LGALS9: variants seen among roughly 807,000 people sequenced by gnomAD.
The protein encoded by LGALS9 is galectin 9.
LGALS9 carries 26 observed loss-of-function variants against 35.9 expected under a neutral mutation model. That is an observed-to-expected ratio of 0.72 (90% CI 0.53 to 1.01). LGALS9 has a LOEUF of 1.01. LGALS9 is among the 50% of genes least tolerant of loss of function. The pLI is 0.00. For missense variants in LGALS9, 347 were observed against 445.8 expected (o/e 0.78, Z 1.99); for synonymous variants, 149 against 172.2 (o/e 0.87, Z 1.06).
chr17:27,645,689 C>G, intron 6 of LGALS9, 172 bp from the exon 7 acceptor site: 2 of 620,536 alleles, frequency 3.2e-6, no homozygotes, highest in Non-Finnish European at 5.6e-6. Flanking sequence ...AACCTTTGCC[C>G]CTCGCTCATC....
At chr17:27,644,987 A>G in intron 5 of LGALS9, 1 of 368,874 alleles carries the variant, frequency 2.7e-6, no homozygotes, top group Admixed American at 4.4e-5. Flanking sequence ...ACCACTTCTC[A>G]CCTTATGGGT....
Position 27,648,873 on chromosome 17 carries a change from C to T in LGALS9, c.959C>T (p.Ala320Val). 1 of 1,613,870 alleles carries T rather than the reference C, an allele frequency of 6.2e-7. No homozygotes were observed. The highest frequency in any genetic ancestry group is 8.5e-7 in the Non-Finnish European group (1 of 1,179,838). The change falls in exon 11 of 11, where the codon GCC becomes GTC. Residue 320 changes from alanine to valine, a missense_variant. Transcript: ENST00000395473. Reference protein sequence around the residue: ...ILCEAHCLKVAVDGQHLFEYY... With the variant: ...ILCEAHCLKVVVDGQHLFEYY... Reference sequence around the variant, plus strand: ...TGTGAAGCTCACTGCCTCAAGGTGGCCGTGGATGGTCAGCACCTGTTTGAA... The same window carrying T: ...TGTGAAGCTCACTGCCTCAAGGTGGTCGTGGATGGTCAGCACCTGTTTGAA...
chr17:27,635,211 G>T (rs1054953795), intron 1 of LGALS9, among the ~76,000 whole-genome samples: 1 of 152,144 alleles, frequency 6.6e-6, no homozygotes, highest in African/African-American at 2.4e-5. Context: ...GGCCCTTTGG[G>T]AGGCCGAGCC....
chr17:27,634,590 C>T (rs2074423907), intron 1 of LGALS9, among the ~76,000 whole-genome samples: 1 of 151,976 alleles, frequency 6.6e-6, no homozygotes, highest in African/African-American at 2.4e-5. Context: ...CAAACAAAAA[C>T]CCCCCAAAAA....
intron 2 of LGALS9, chr17:27,640,364 A>C (rs1213729286): frequency 2.7e-6 from 2 of 740,946 alleles, no homozygotes; most frequent in African/African-American, 3.6e-5. Flanking sequence ...TTAGCAAATC[A>C]TGCTGTAAAG....
chr17:27,645,191 G>A (rs1904840752), intron 5 of LGALS9, 123 bp from the exon 6 acceptor site: 7 of 1,581,114 alleles, frequency 4.4e-6, no homozygotes, highest in South Asian at 3.4e-5. Flanking sequence ...GGAGCAAGAG[G>A]GAGGTGGGTG....
chr17:27,643,418 C>T lies in LGALS9; in HGVS notation c.445-107C>T, dbSNP rs112726028. On this transcript the variant is annotated intron_variant, in intron 4 of 10. Transcript: ENST00000395473. ...CAGGGCCCTAACCCCCTTGCCTCAT[C>T]GCCCTGCCTGCCTGGTCTCTCCCTC... The T allele has an allele frequency of 3.2e-5, 49 of 1,536,580 alleles. 1 individual carries two copies. In the African/African-American group the frequency reaches 4.4e-4, roughly 14 times the overall value.
At chr17:27,645,247 G>T in intron 5 of LGALS9, 67 bp from the exon 6 acceptor site, 1 of 1,613,006 alleles carries the variant, frequency 6.2e-7, no homozygotes, top group Non-Finnish European at 8.5e-7. Context: ...CTGGAGTTTT[G>T]CCACCATCTC....
At chr17:27,639,270 G>A (rs529004200) in intron 2 of LGALS9, among the ~76,000 whole-genome samples, 2 of 152,052 alleles carry the variant, frequency 1.3e-5, no homozygotes, top group African/African-American at 4.8e-5. Context: ...GGGAGGCCCC[G>A]ATCTCCCTGA....
Sources: allele counts gnomAD v4.1 joint callset (sites outside exome capture counted in the v4.1 genomes callset), GRCh38; gene constraint gnomAD v4.1.1; transcripts MANE v1.5; gene names NCBI Gene and HGNC (gene_info 2026-07-23, HGNC 2026-07-21).